ZNF516: variants seen among roughly 807,000 people sequenced by gnomAD.
ZNF516 encodes zinc finger protein 516.
Under a neutral mutation model 79.7 loss-of-function variants are expected in ZNF516, and 19 were observed. The ratio of observed to expected loss-of-function variants is 0.24; its 90% CI spans 0.17 to 0.35. The LOEUF (loss-of-function observed/expected upper bound fraction) is 0.35, where lower values mean the gene tolerates loss of function less well. Ranked by LOEUF, ZNF516 falls within the 10% of genes least tolerant of loss-of-function variation. The probability of loss-of-function intolerance (pLI) is 1.00; values close to 1 mark genes in which losing one functional copy is unlikely to be tolerated. For synonymous variants in ZNF516, 877 were observed against 739.5 expected (o/e 1.19, Z -3.02); for missense variants, 1,678 against 1,679.5 (o/e 1.00, Z 0.02).
chr18:76,407,762 G>A (rs924571141), intron 3 of ZNF516, among the ~76,000 whole-genome samples: 1 of 152,238 alleles, frequency 6.6e-6, no homozygotes, highest in Admixed American at 6.5e-5. Flanking sequence ...GCAAGAAACA[G>A]TCGTTGCCAG....
rs140313926 is a variant in ZNF516, at chr18:76,423,411, T to G, written c.1810+17834A>C. On this transcript the variant is annotated intron_variant, in intron 3 of 6. Transcript: ENST00000443185. ...AACATATGCTGGCAGGAGATAAGGC[T>G]CATCCCTGAAACACACGCAGGTGAA... Among the ~76,000 whole-genome samples the G allele has an allele frequency of 6.9e-3, 1,053 of 152,302 alleles. 10 individuals carry two copies. Among genetic ancestry groups the G allele is most frequent in the African/African-American group, 0.024 (1,006 of 41,558 alleles).
chr18:76,388,498 A>C (rs2075024306), intron 3 of ZNF516: 1 of 152,188 alleles, frequency 6.6e-6, no homozygotes, highest in African/African-American at 2.4e-5. Flanking sequence ...CTCCTGTTTC[A>C]GATCCACAAG....
chr18:76,439,821 C>CA (rs1265032002), intron 3 of ZNF516, among the ~76,000 whole-genome samples: 2 of 152,214 alleles, frequency 1.3e-5, no homozygotes, highest in East Asian at 1.9e-4. Flanking sequence ...AAAAAGTAGA[C>CA]AGAGTATTAC....
At position 76,441,718 on chromosome 18, in the gene ZNF516, TC is replaced by T; in HGVS notation, c.1336del (p.Asp446ThrfsTer14). 1 of 1,573,612 alleles carries T rather than the reference TC, an allele frequency of 6.4e-7. No homozygotes were observed. Reference protein sequence around the residue: ...YGAWDEALAGDVAFDKDRREY... With the variant: ...YGAWDEALAGXVAFDKDRREY... ...GCGCCTGTCCTTGTCGAAGGCCACG[TC>T]CCCGGCCAGCGCCTCGTCCCAGGCC... On this transcript the variant is annotated frameshift_variant, in exon 3 of 7. Transcript: ENST00000443185. LOFTEE classifies it high-confidence loss of function.
chr18:76,454,083 A>C (rs1421178020), intron 2 of ZNF516, among the ~76,000 whole-genome samples: 1 of 152,244 alleles, frequency 6.6e-6, no homozygotes, highest in Non-Finnish European at 1.5e-5. Flanking sequence ...AATGAAAGAA[A>C]GAACTGTGCC....
At chr18:76,490,209 T>TCCTC in intron 1 of ZNF516, 1 of 985,302 alleles carries the variant, frequency 1.0e-6, no homozygotes, top group Non-Finnish European at 1.2e-6. Context: ...ATTAAAGACG[T>TCCTC]CCTCCTACAA....
chr18:76,455,841 T>C (rs1912690772), intron 2 of ZNF516, among the ~76,000 whole-genome samples: 1 of 152,154 alleles, frequency 6.6e-6, no homozygotes, highest in South Asian at 2.1e-4. Flanking sequence ...AGCATGTGTG[T>C]GCAGCTTGCC....
In ZNF516 at chr18:76,379,630, C is replaced by A; in HGVS notation, c.2484G>T (p.Gln828His). Residue 828 changes from glutamine to histidine, a missense_variant, in exon 4 of 7, where the codon CAG (glutamine) becomes CAT (histidine). Gln to His is a conservative substitution (Grantham distance 24). Around this residue, in one of 5 missense-constraint regions of ZNF516, gnomAD observed 1,294 missense variants for 1,248.3 expected, o/e 1.04. Transcript: ENST00000443185. ...GGGTGAACCGAGCAAGGAGCAAAGG[C>A]TGGCATTCTTTGCCACCGAGGGCAG... Reference protein sequence around the residue: ...PPPALGGKECQPLLLARFTRT... With the variant: ...PPPALGGKECHPLLLARFTRT... 1 of 1,613,686 alleles carries A rather than the reference C, an allele frequency of 6.2e-7. No individual in the cohort carries two copies. The highest frequency in any genetic ancestry group is 8.5e-7 in the Non-Finnish European group (1 of 1,179,898).
chr18:76,491,197 C>A (rs904951808), intron 1 of ZNF516: 59 of 801,432 alleles, frequency 7.4e-5, no homozygotes, highest in Middle Eastern at 6.2e-4. Context: ...GCCCGGTCCA[C>A]GCCGCCGCGC....
intron 3 of ZNF516, among the ~76,000 whole-genome samples, chr18:76,410,880 G>C (rs2145299826): frequency 6.6e-6 from 1 of 152,228 alleles, no homozygotes; most frequent in African/African-American, 2.4e-5. Flanking sequence ...ACATCAAAGA[G>C]CAAACACCTA....
chr18:76,384,711 C>T (rs555716050), intron 3 of ZNF516, among the ~76,000 whole-genome samples: 14 of 151,710 alleles, frequency 9.2e-5, no homozygotes, highest in African/African-American at 3.4e-4. Context: ...GGAGGGGGCT[C>T]CAGCTCCCTG....
rs373512572 is a variant in ZNF516, at chr18:76,380,193, C to T, written c.1921G>A (p.Glu641Lys). 16 of 1,613,984 alleles carry T rather than the reference C, an allele frequency of 9.9e-6. No homozygotes were observed. The highest frequency in any genetic ancestry group is 6.7e-5 in the African/African-American group (5 of 75,040). The change falls in exon 4 of 7, where the codon GAG (glutamate) becomes AAG (lysine). Residue 641 changes from glutamate to lysine, a missense_variant. Around this residue, in one of 5 missense-constraint regions of ZNF516, gnomAD observed 1,294 missense variants for 1,248.3 expected, o/e 1.04. Transcript: ENST00000443185. Reference protein sequence around the residue: ...GDNASERDTGESKAGIAASVS... With the variant: ...GDNASERDTGKSKAGIAASVS... ...GAAGCTGCGATCCCTGCCTTGGACT[C>T]GCCGGTGTCTCTTTCCGAGGCGTTA...
intron 1 of ZNF516, among the ~76,000 whole-genome samples, chr18:76,469,954 A>G (rs954859319): frequency 6.6e-6 from 1 of 152,266 alleles, no homozygotes; most frequent in Non-Finnish European, 1.5e-5. Context: ...GGAAATCATT[A>G]CAAAATACAA....
chr18:76,409,801 C>A (rs766944895), intron 3 of ZNF516, among the ~76,000 whole-genome samples: 10 of 152,160 alleles, frequency 6.6e-5, no homozygotes, highest in African/African-American at 2.2e-4. Context: ...ATTGGAGGCA[C>A]CAGTGAGATC....
chr18:76,392,360 G>T (rs896521806), intron 3 of ZNF516, among the ~76,000 whole-genome samples: 3 of 152,206 alleles, frequency 2.0e-5, no homozygotes, highest in African/African-American at 7.2e-5. Context: ...GGCAAACGGG[G>T]CTCTTCACCC....
intron 2 of ZNF516, 135 bp from the exon 3 acceptor site, chr18:76,443,346 A>C: frequency 2.4e-6 from 1 of 423,738 alleles, no homozygotes; most frequent in South Asian, 4.4e-5. Flanking sequence ...ACAACACTTC[A>C]CACACAGGCG....
chr18:76,373,606 C>T (rs562925325), intron 4 of ZNF516, among the ~76,000 whole-genome samples: 1 of 152,262 alleles, frequency 6.6e-6, no homozygotes, highest in South Asian at 2.1e-4. Context: ...ATTCTTTTTT[C>T]AAGTAATTAT....
chr18:76,436,456 G>C (rs2075736575), intron 3 of ZNF516, among the ~76,000 whole-genome samples: 1 of 152,164 alleles, frequency 6.6e-6, no homozygotes, highest in Non-Finnish European at 1.5e-5. Context: ...TGAACACTGT[G>C]TGAGGACAAG....
chr18:76,446,478 A>C (rs1321466319), intron 2 of ZNF516, among the ~76,000 whole-genome samples: 1 of 152,218 alleles, frequency 6.6e-6, no homozygotes, highest in African/African-American at 2.4e-5. Flanking sequence ...AAGATGGCAC[A>C]GTATCAAGGA....
Sources: allele counts gnomAD v4.1 joint callset (sites outside exome capture counted in the v4.1 genomes callset), GRCh38; gene constraint gnomAD v4.1.1; regional missense constraint gnomAD v4.1.1; transcripts MANE v1.5; gene names NCBI Gene and HGNC (gene_info 2026-07-23, HGNC 2026-07-21).